The following DOP1B variants were observed in gnomAD, a reference collection of about 807,000 sequenced individuals.
The protein encoded by DOP1B is protein DOP1B.
A neutral mutation model predicts 233.5 loss-of-function variants in DOP1B; 174 were observed. The ratio of observed to expected loss-of-function variants is 0.75; its 90% CI spans 0.66 to 0.85. The LOEUF is 0.85. DOP1B is among the 40% of genes least tolerant of loss of function. The pLI is 0.00. For missense variants in DOP1B, 2,652 were observed against 2,846.6 expected (o/e 0.93, Z 1.56); for synonymous variants, 1,190 against 1,185.6 (o/e 1.00, Z -0.08).
chr21:36,162,354 C>T (rs2123383375), intron 1 of DOP1B, among the ~76,000 whole-genome samples: 1 of 152,198 alleles, frequency 6.6e-6, no homozygotes, highest in African/African-American at 2.4e-5. Context: ...GCCACTACAC[C>T]CTGCTAATTT....
Position 36,293,491 on chromosome 21 carries a change from C to G in DOP1B, c.6817C>G (p.Pro2273Ala), listed in dbSNP as rs1228621292. The G allele has an allele frequency of 1.2e-6, 2 of 1,614,098 alleles. No individual in the cohort carries two copies. Among genetic ancestry groups the G allele is most frequent in the South Asian group, 1.1e-5 (1 of 91,080 alleles). Residue 2273 changes from proline (P) to alanine (A), a missense_variant, in exon 37 of 37, where the codon CCT becomes GCT. By Grantham distance (27) the Pro-to-Ala change is conservative. Coordinates refer to ENST00000691173, the MANE Select transcript of DOP1B (RefSeq NM_001320714.2). ...CCCAGGAACTCCATTCTTGGACTTT[C>G]CTGTCACAGATAGCCCAAGGATCTT... Reference protein sequence around the residue: ...DSPGTPFLDFPVTDSPRILKQ... With the variant: ...DSPGTPFLDFAVTDSPRILKQ...
In DOP1B at chr21:36,214,905, G is replaced by A. The variant is rs1442605338; in HGVS notation, c.1129+349G>A. 3.9e-5 allele frequency among the ~76,000 whole-genome samples: 6 copies of A among 152,230 alleles called. No individual in the cohort carries two copies. In the South Asian group the frequency reaches 6.2e-4, roughly 16 times the overall value. ...AAAAATACAAAAAAATTAGCCAGGC[G>A]TGGTGGTGCTTCCCTGTAGTCCCAG... On this transcript the variant is annotated intron_variant, in intron 9 of 36. Coordinates refer to ENST00000691173, the MANE Select transcript of DOP1B (RefSeq NM_001320714.2).
chr21:36,291,216 G>A (rs1009407629), intron 35 of DOP1B, among the ~76,000 whole-genome samples: 2 of 151,672 alleles, frequency 1.3e-5, no homozygotes, highest in Admixed American at 1.3e-4. Flanking sequence ...AACCGAGATC[G>A]CACCACTGCA....
chr21:36,165,841 C>T (rs1429832005), intron 2 of DOP1B, among the ~76,000 whole-genome samples: 1 of 151,678 alleles, frequency 6.6e-6, no homozygotes, highest in Non-Finnish European at 1.5e-5. Flanking sequence ...CTCAGCCACC[C>T]AAGTAGTTGG....
intron 32 of DOP1B, among the ~76,000 whole-genome samples, chr21:36,284,681 T>C (rs891595557): frequency 5.9e-5 from 9 of 152,118 alleles, no homozygotes; most frequent in East Asian, 1.9e-4. Context: ...AACAAAAAGA[T>C]AGACAACATT....
intron 2 of DOP1B, among the ~76,000 whole-genome samples, chr21:36,193,341 C>T (rs970241153): frequency 3.8e-4 from 58 of 152,220 alleles, no homozygotes; most frequent in African/African-American, 1.3e-3. Context: ...TGACTGGATG[C>T]GGGCTGTGAT....
intron 4 of DOP1B, among the ~76,000 whole-genome samples, chr21:36,202,198 A>G (rs1349525270): frequency 1.3e-5 from 2 of 152,176 alleles, no homozygotes; most frequent in Non-Finnish European, 2.9e-5. Flanking sequence ...GAAAAAAACA[A>G]ACAAACAAAC....
In DOP1B at chr21:36,246,681, C is replaced by T. The variant is rs941462236; in HGVS notation, c.4697+4C>T. On this transcript the variant is annotated splice_donor_region_variant and intron_variant, in intron 19 of 36. Coordinates refer to ENST00000691173, the MANE Select transcript of DOP1B (RefSeq NM_001320714.2). This position sits in a 1 kb window ranked among gnomAD's most constrained non-coding sequence, Gnocchi z 5.1. ...AATCTGTGAAGCTCTCTGTCAGGTG[C>T]GTTACGCTCCTTGTGACATCTTTAT... is the stretch of plus-strand genomic sequence containing the variant. The T allele has an allele frequency of 8.8e-6, 14 of 1,599,752 alleles. No individual in the cohort carries two copies. In the African/African-American group the frequency reaches 1.1e-4, roughly 12 times the overall value.
In DOP1B at chr21:36,293,783, G is replaced by A. The variant is rs2067585322; in HGVS notation, c.*212G>A. ...AGATCACTTGAGGTCAGGAGTTCGA[G>A]ACCAGCCTGACCAACATGGTGAGAC... On this transcript the variant is annotated 3_prime_UTR_variant, in exon 37 of 37. Transcript: ENST00000691173. 2 of 498,028 alleles carry A rather than the reference G, an allele frequency of 4.0e-6. No homozygotes were observed. Among genetic ancestry groups the A allele is most frequent in the Non-Finnish European group, 7.2e-6 (2 of 275,980 alleles). 30.9% of individuals were successfully genotyped at this position (498,028 alleles called of 1,614,324 possible).
chr21:36,287,618 ACT>A (rs1198480710), intron 32 of DOP1B, among the ~76,000 whole-genome samples: 1 of 110,606 alleles, frequency 9.0e-6, no homozygotes, highest in African/African-American at 3.7e-5. Context: ...ATGGAGTCTC[ACT>A]CTGTCACCCA....
Position 36,239,897 on chromosome 21 carries a change from G to A in DOP1B, c.3009G>A (p.Leu1003=). The A allele has an allele frequency of 6.2e-7, 1 of 1,608,834 alleles. No individual in the cohort carries two copies. Among genetic ancestry groups the A allele is most frequent in the Non-Finnish European group, 8.5e-7 (1 of 1,178,892 alleles). The change falls in exon 18 of 37, where the codon CTG becomes CTA. Residue 1003 remains leucine, a synonymous_variant. Coordinates refer to ENST00000691173, the MANE Select transcript of DOP1B (RefSeq NM_001320714.2). ...ARILEPVLLL[L]LQPKTQRTSI... ...TCCTCGAACCCGTGCTCCTGCTGCT[G>A]CTGCAGCCAAAAACCCAGAGAACCT...
chr21:36,189,842 C>T (rs551398560), intron 2 of DOP1B, among the ~76,000 whole-genome samples: 54 of 151,360 alleles, frequency 3.6e-4, no homozygotes, highest in Non-Finnish European at 6.5e-4. Context: ...AACCCTGTCT[C>T]TACTAAAAAA....
chr21:36,200,873 A>G (rs920265769), intron 4 of DOP1B, among the ~76,000 whole-genome samples: 2 of 150,324 alleles, frequency 1.3e-5, no homozygotes, highest in Non-Finnish European at 3.0e-5. Context: ...AAGGAAGTGC[A>G]GAGACATGGG....
intron 1 of DOP1B, among the ~76,000 whole-genome samples, chr21:36,157,531 G>T (rs1001695777): frequency 2.0e-5 from 3 of 152,214 alleles, no homozygotes; most frequent in Admixed American, 1.3e-4. Flanking sequence ...ACTGTTACCC[G>T]CAGTGTTGCC....
At chr21:36,170,612 T>A (rs943470179) in intron 2 of DOP1B, 6 of 148,064 alleles carry the variant, frequency 4.1e-5, no homozygotes, top group South Asian at 4.2e-4. Flanking sequence ...TAAATAAATA[T>A]ATATATATAA....
intron 7 of DOP1B, among the ~76,000 whole-genome samples, chr21:36,213,011 A>G (rs1353669610): frequency 6.6e-6 from 1 of 152,066 alleles, no homozygotes; most frequent in African/African-American, 2.4e-5. Context: ...TGGACTCTTG[A>G]CCTCAGGTGA....
chr21:36,292,588 A>G (rs933108461), intron 36 of DOP1B, among the ~76,000 whole-genome samples: 3 of 148,990 alleles, frequency 2.0e-5, no homozygotes, highest in African/African-American at 4.9e-5. Context: ...ATGCCTGGCT[A>G]ATTTTTGTTT....
At chr21:36,217,754 T>C (rs943219481) in intron 9 of DOP1B, among the ~76,000 whole-genome samples, 2 of 152,214 alleles carry the variant, frequency 1.3e-5, no homozygotes, top group South Asian at 4.1e-4. Context: ...CCTGCTAGTG[T>C]AGAGTAACTG....
intron 2 of DOP1B, among the ~76,000 whole-genome samples, chr21:36,167,011 T>C (rs2065917628): frequency 6.6e-6 from 1 of 152,348 alleles, no homozygotes; most frequent in East Asian, 1.9e-4. Flanking sequence ...TCAGGAATTC[T>C]CTAGGTGAAT....
Sources: allele counts gnomAD v4.1 joint callset (sites outside exome capture counted in the v4.1 genomes callset), GRCh38; gene constraint gnomAD v4.1.1; non-coding constraint Gnocchi (gnomAD v3.1); transcripts MANE v1.5; gene names NCBI Gene and HGNC (gene_info 2026-07-23, HGNC 2026-07-21).